VIT: variants seen among roughly 807,000 people sequenced by gnomAD.
VIT encodes the protein vitrin.
Under a neutral mutation model 78.0 loss-of-function variants are expected in VIT, and 99 were observed. The observed-to-expected ratio is 1.27, with a 90% CI of 1.08 to 1.50. The LOEUF (loss-of-function observed/expected upper bound fraction) is 1.50, where lower values mean the gene tolerates loss of function less well. Among genes scored for constraint, VIT ranks in the 40% most tolerant of loss-of-function variants. The probability of loss-of-function intolerance (pLI) is 0.00; values close to 1 mark genes in which losing one functional copy is unlikely to be tolerated. For synonymous variants in VIT, 374 were observed against 334.3 expected (o/e 1.12, Z -1.29); for missense variants, 1,126 against 875.3 (o/e 1.29, Z -3.61).
intron 9 of VIT, among the ~76,000 whole-genome samples, chr2:36,777,016 G>A (rs1470410719): frequency 1.4e-5 from 2 of 147,822 alleles, no homozygotes; most frequent in Non-Finnish European, 3.0e-5. Context: ...ATGAACCCAG[G>A]AGGCGGAGCT....
chr2:36,704,226 A>C (rs1488181131), intron 1 of VIT, among the ~76,000 whole-genome samples: 1 of 152,114 alleles, frequency 6.6e-6, no homozygotes, highest in Non-Finnish European at 1.5e-5. Flanking sequence ...ACTCCTGGCC[A>C]GATTGGGCAG....
chr2:36,759,206 G>A (rs957444918), intron 6 of VIT, 160 bp downstream of exon 6: 6 of 1,563,206 alleles, frequency 3.8e-6, no homozygotes, highest in Non-Finnish European at 4.3e-6. Context: ...AAATCAATGA[G>A]ATCAGATGGC....
In VIT at chr2:36,767,364, A is replaced by G. The variant is rs571486004; in HGVS notation, c.679+79A>G. ...TTTAGAGTAACAGCTCTGTCTGAGC[A>G]TCTACTGGGCTGGGTGAATGGGGAG... On this transcript the variant is annotated intron_variant, in intron 7 of 15. Coordinates refer to ENST00000379242, the MANE Select transcript of VIT (RefSeq NM_053276.4). The G allele has an allele frequency of 3.7e-6, 5 of 1,367,628 alleles. No homozygotes were observed. The East Asian group carries it at 8.7e-5, about 24-fold the overall frequency. 84.7% of individuals were successfully genotyped at this position (1,367,628 alleles called of 1,614,324 possible).
At chr2:36,716,506 C>G in intron 2 of VIT, 84 bp downstream of exon 2, 1 of 1,167,304 alleles carries the variant, frequency 8.6e-7, no homozygotes, top group South Asian at 1.3e-5. Context: ...AGTTTTAAAC[C>G]AAGACAGAGC....
chr2:36,731,093 G>A (rs908282568), intron 3 of VIT, among the ~76,000 whole-genome samples: 3 of 151,884 alleles, frequency 2.0e-5, no homozygotes, highest in African/African-American at 7.3e-5. Context: ...GCTTTAAACT[G>A]TCTTCTGCTT....
intron 1 of VIT, among the ~76,000 whole-genome samples, chr2:36,703,348 C>A (rs1206022662): frequency 1.3e-5 from 2 of 151,396 alleles, no homozygotes; most frequent in Non-Finnish European, 2.9e-5. Context: ...CCTACCCCCA[C>A]CCCCCTACAC....
chr2:36,805,768 G>A, intron 14 of VIT, 104 bp downstream of exon 14: 1 of 1,277,400 alleles, frequency 7.8e-7, no homozygotes, highest in Non-Finnish European at 1.1e-6. Flanking sequence ...TGTGCATGAA[G>A]CTCATCTCTA....
At chr2:36,708,735 G>A (rs1665609979) in intron 1 of VIT, among the ~76,000 whole-genome samples, 1 of 151,972 alleles carries the variant, frequency 6.6e-6, no homozygotes, top group Admixed American at 6.6e-5. Flanking sequence ...AAAGAAATTT[G>A]AGCCCCTCCC....
At chr2:36,700,788 TTA>T (rs945727586) in intron 1 of VIT, among the ~76,000 whole-genome samples, 1 of 152,146 alleles carries the variant, frequency 6.6e-6, no homozygotes, top group African/African-American at 2.4e-5. Context: ...AGAGCTATTC[TTA>T]TGTGCCACCC....
chr2:36,778,491 C>G (rs1232260662), intron 9 of VIT, among the ~76,000 whole-genome samples: 1 of 152,246 alleles, frequency 6.6e-6, no homozygotes, highest in East Asian at 1.9e-4. Context: ...AGAAGCTTCA[C>G]TGGTCTGGAA....
chr2:36,718,435 C>T (rs1666298549), intron 2 of VIT, among the ~76,000 whole-genome samples: 1 of 152,140 alleles, frequency 6.6e-6, no homozygotes, highest in African/African-American at 2.4e-5. Flanking sequence ...TCAAGTCACT[C>T]ATCTTCTCAG....
At chr2:36,756,052 G>C (rs1668745451) in intron 5 of VIT, among the ~76,000 whole-genome samples, 1 of 148,070 alleles carries the variant, frequency 6.8e-6, no homozygotes, top group Non-Finnish European at 1.5e-5. Flanking sequence ...CTGCCTCCTG[G>C]GTTCAAGCGA....
intron 12 of VIT, among the ~76,000 whole-genome samples, chr2:36,797,971 C>T (rs2276669): frequency 0.59 from 89,105 of 151,730 alleles, 27,138 homozygotes; most frequent in East Asian, 0.79. Context: ...AGGGTGGGCA[C>T]GATTGGGGCT....
At chr2:36,701,944 C>T (rs1386897639) in intron 1 of VIT, among the ~76,000 whole-genome samples, 1 of 152,160 alleles carries the variant, frequency 6.6e-6, no homozygotes, top group African/African-American at 2.4e-5. Context: ...GAAGAGTGAA[C>T]AAAAACATTT....
chr2:36,800,212 G>A (rs1666219816), intron 12 of VIT, among the ~76,000 whole-genome samples: 1 of 152,080 alleles, frequency 6.6e-6, no homozygotes. Context: ...AGGCGCGGTG[G>A]CAGGTGCCTG....
At chr2:36,729,336 T>C in intron 2 of VIT, 90 bp from the exon 3 acceptor site, 1 of 1,141,368 alleles carries the variant, frequency 8.8e-7, no homozygotes, top group East Asian at 2.7e-5. Context: ...GGAGAATACT[T>C]TGTGGATGAT....
chr2:36,707,128 T>C (rs762973117), intron 1 of VIT, among the ~76,000 whole-genome samples: 1 of 152,178 alleles, frequency 6.6e-6, no homozygotes, highest in Non-Finnish European at 1.5e-5. Context: ...GGACGGCCAC[T>C]GCGAGTTAGG....
At chr2:36,729,554 T>C in intron 3 of VIT, 63 bp downstream of exon 3, 2 of 1,524,034 alleles carry the variant, frequency 1.3e-6, no homozygotes, top group Non-Finnish European at 8.9e-7. Flanking sequence ...AGGGTTATTA[T>C]ACTTGTTTTA....
At chr2:36,765,931 C>G (rs959989371) in intron 6 of VIT, among the ~76,000 whole-genome samples, 6 of 152,236 alleles carry the variant, frequency 3.9e-5, no homozygotes, top group Admixed American at 6.5e-5. Flanking sequence ...TACAGGTACA[C>G]AGGGACAGAA....
Sources: allele counts gnomAD v4.1 joint callset (sites outside exome capture counted in the v4.1 genomes callset), GRCh38; gene constraint gnomAD v4.1.1; transcripts MANE v1.5; gene names NCBI Gene and HGNC (gene_info 2026-07-23, HGNC 2026-07-21).